The following CDH4 variants were observed in gnomAD, a reference collection of about 807,000 sequenced individuals.
The protein encoded by CDH4 is cadherin-4.
CDH4 carries 33 observed loss-of-function variants against 86.0 expected under a neutral mutation model. That is an observed-to-expected ratio of 0.38 (90% CI 0.29 to 0.51). The LOEUF (loss-of-function observed/expected upper bound fraction) is 0.51, where lower values mean the gene tolerates loss of function less well. Ranked by LOEUF, CDH4 falls within the 20% of genes least tolerant of loss-of-function variation. The probability of loss-of-function intolerance (pLI) is 0.86; values close to 1 mark genes in which losing one functional copy is unlikely to be tolerated. For synonymous variants in CDH4, 555 were observed against 549.4 expected (o/e 1.01, Z -0.14); for missense variants, 1,114 against 1,307.4 (o/e 0.85, Z 2.28).
chr20:61,552,858 C>G (rs1428132798), intron 2 of CDH4, among the ~76,000 whole-genome samples: 1 of 120,404 alleles, frequency 8.3e-6, no homozygotes, highest in Non-Finnish European at 1.6e-5. Flanking sequence ...GGTGCAGCCA[C>G]TGTAAAGAAA....
At chr20:61,407,884 C>G (rs892746092) in intron 2 of CDH4, among the ~76,000 whole-genome samples, 1 of 152,146 alleles carries the variant, frequency 6.6e-6, no homozygotes, top group Non-Finnish European at 1.5e-5. Context: ...GATGCTGTTT[C>G]CATGAAGTCC....
chr20:61,863,803 C>T (rs1983430566), intron 6 of CDH4, among the ~76,000 whole-genome samples: 1 of 152,184 alleles, frequency 6.6e-6, no homozygotes, highest in South Asian at 2.1e-4. Context: ...GGGATGGCTG[C>T]TCTAGTGCCA....
chr20:61,680,264 G>A (rs574600854), intron 2 of CDH4, among the ~76,000 whole-genome samples: 1 of 152,360 alleles, frequency 6.6e-6, no homozygotes, highest in South Asian at 2.1e-4. Flanking sequence ...ACCATAAGGA[G>A]GGACAGGGTG....
In CDH4 at chr20:61,292,471, C is replaced by T. The variant is rs2084327863; in HGVS notation, c.169+37534C>T. Among the ~76,000 whole-genome samples the T allele has an allele frequency of 2.0e-5, 3 of 152,362 alleles. No homozygotes were observed. In the East Asian group the frequency reaches 5.8e-4, roughly 29 times the overall value. On this transcript the variant is annotated intron_variant, in intron 2 of 15. Coordinates refer to ENST00000614565, the MANE Select transcript of CDH4 (RefSeq NM_001794.5). ...CTAGTCTAGTGGTTCTCAAAGGGGG[C>T]AAGTCCAGCCCCAGGGGCACTGGGC...
chr20:61,380,830 A>G (rs1454680935), intron 2 of CDH4, among the ~76,000 whole-genome samples: 1 of 152,178 alleles, frequency 6.6e-6, no homozygotes, highest in Non-Finnish European at 1.5e-5. Context: ...ACAAAGAAAT[A>G]TGTCATCTGT....
chr20:61,277,719 G>A (rs903095365), intron 2 of CDH4, among the ~76,000 whole-genome samples: 5 of 152,252 alleles, frequency 3.3e-5, no homozygotes, highest in Non-Finnish European at 7.3e-5. Flanking sequence ...GTGAGTCTTA[G>A]TCTAATGAAA....
chr20:61,804,494 G>T (rs893279830), intron 4 of CDH4, among the ~76,000 whole-genome samples: 10 of 152,232 alleles, frequency 6.6e-5, no homozygotes, highest in Admixed American at 6.5e-4. Context: ...CAGCTCTGCT[G>T]TCTGGACCTC....
chr20:61,741,486 G>A (rs910425775), intron 2 of CDH4, among the ~76,000 whole-genome samples: 2 of 146,944 alleles, frequency 1.4e-5, no homozygotes, highest in Admixed American at 6.8e-5. Flanking sequence ...CACCAAAGCT[G>A]TGTGCCTGTA....
intron 2 of CDH4, among the ~76,000 whole-genome samples, chr20:61,371,261 G>C (rs1039831907): frequency 5.9e-5 from 9 of 152,190 alleles, no homozygotes; most frequent in African/African-American, 2.2e-4. Flanking sequence ...GTGGGCACCT[G>C]CAGGATGGAG....
At chr20:61,419,273 T>C (rs2085164308) in intron 2 of CDH4, among the ~76,000 whole-genome samples, 1 of 152,156 alleles carries the variant, frequency 6.6e-6, no homozygotes, top group Non-Finnish European at 1.5e-5. Flanking sequence ...TGCTTTTGGT[T>C]CTTGTCTCTG....
chr20:61,767,010 G>A (rs1449150439), intron 3 of CDH4, among the ~76,000 whole-genome samples: 1 of 152,242 alleles, frequency 6.6e-6, no homozygotes, highest in Non-Finnish European at 1.5e-5. Flanking sequence ...CAGACAGCTT[G>A]GGCTCCAGTC....
intron 2 of CDH4, among the ~76,000 whole-genome samples, chr20:61,605,383 ATC>A (rs1389539506): frequency 2.8e-5 from 4 of 144,448 alleles, no homozygotes; most frequent in Non-Finnish European, 4.6e-5. Flanking sequence ...CCCTCTCTGT[ATC>A]TCTGTCTCTC....
chr20:61,304,178 G>A (rs545656957), intron 2 of CDH4, among the ~76,000 whole-genome samples: 136 of 152,222 alleles, frequency 8.9e-4, no homozygotes, highest in Non-Finnish European at 1.8e-3. Flanking sequence ...CTATGAAGAC[G>A]AATCCTGGTT....
intron 4 of CDH4, among the ~76,000 whole-genome samples, chr20:61,834,417 A>G (rs1981772342): frequency 6.6e-6 from 1 of 152,094 alleles, no homozygotes; most frequent in Admixed American, 6.5e-5. Context: ...GGCAGGGTCT[A>G]AGCTCCCTGC....
Position 61,741,954 on chromosome 20 carries a change from G to A in CDH4, c.170-1609G>A, listed in dbSNP as rs189453644. On this transcript the variant is annotated intron_variant, in intron 2 of 15. Transcript: ENST00000614565. The stretch of plus-strand genomic sequence containing the variant: ...GAATTTGCTTTTAGGGAACAAAGGG[G>A]CTTGTTTGTGTGTTTGTGCTCATCT... 3.3e-5 allele frequency among the ~76,000 whole-genome samples: 5 copies of A among 152,256 alleles called. No homozygotes were observed. In the East Asian group the frequency reaches 9.6e-4, roughly 29 times the overall value.
intron 4 of CDH4, among the ~76,000 whole-genome samples, chr20:61,778,746 G>A (rs1280810936): frequency 6.6e-6 from 1 of 152,168 alleles, no homozygotes; most frequent in Non-Finnish European, 1.5e-5. Flanking sequence ...TTACCGAACT[G>A]ATTTTCCAGG....
intron 4 of CDH4, among the ~76,000 whole-genome samples, chr20:61,818,275 G>C (rs556590956): frequency 6.6e-6 from 1 of 152,334 alleles, no homozygotes; most frequent in East Asian, 1.9e-4. Flanking sequence ...GCCCTTGCTG[G>C]GGTGTGGGGG....
At chr20:61,677,884 TGG>T (rs1555823564) in intron 2 of CDH4, among the ~76,000 whole-genome samples, 15 of 147,570 alleles carry the variant, frequency 1.0e-4, no homozygotes, top group Non-Finnish European at 1.8e-4. Context: ...GGATAGATGA[TGG>T]ATGATGGATG....
intron 2 of CDH4, among the ~76,000 whole-genome samples, chr20:61,553,297 A>C (rs904829996): frequency 1.3e-5 from 2 of 152,252 alleles, no homozygotes; most frequent in Non-Finnish European, 2.9e-5. Context: ...GAAAATGGAC[A>C]GAGACACTAA....
Sources: allele counts gnomAD v4.1 joint callset (sites outside exome capture counted in the v4.1 genomes callset), GRCh38; gene constraint gnomAD v4.1.1; transcripts MANE v1.5; gene names NCBI Gene and HGNC (gene_info 2026-07-23, HGNC 2026-07-21).